The following PCAT7 variants were observed in gnomAD, a reference collection of about 807,000 sequenced individuals.
PCAT7 encodes prostate cancer associated transcript 7.
At chr9:94,562,962 T>C (rs1827131247) in intron 2 of PCAT7, among the ~76,000 whole-genome samples, 1 of 152,206 alleles carries the variant, frequency 6.6e-6, no homozygotes, top group Non-Finnish European at 1.5e-5. Flanking sequence ...GCATTTGTTC[T>C]GGGAAGTGTG....
rs1179134617 is a variant in PCAT7 at position 94,556,109 on chromosome 9, G to A, written n.257+799G>A. Among the ~76,000 whole-genome samples the A allele has an allele frequency of 4.0e-5, 6 of 151,038 alleles. No individual in the cohort carries two copies. The East Asian group carries it at 1.2e-3, about 30-fold the overall frequency. On this transcript the variant is annotated intron_variant and non_coding_transcript_variant, in intron 1 of 8. Transcript: ENST00000647389. ...AAGGGAAGGAGAGTGGCAAGGAGGAGCCGGGGGAAAGACGATGAGGAAAAC... is the reference window on the plus strand; with the variant it reads ...AAGGGAAGGAGAGTGGCAAGGAGGAACCGGGGGAAAGACGATGAGGAAAAC...
intron 2 of PCAT7, chr9:94,567,291 C>T: frequency 6.2e-7 from 1 of 1,614,200 alleles, no homozygotes; most frequent in Non-Finnish European, 8.5e-7. Context: ...TCTTTTTCTG[C>T]ACATATTCAG....
chr9:94,554,882 C>T (rs1754723481), upstream of PCAT7, among the ~76,000 whole-genome samples: 1 of 152,162 alleles, frequency 6.6e-6, no homozygotes, highest in South Asian at 2.1e-4. Flanking sequence ...CACATAAGTG[C>T]CAGAAATGAC....
intron 2 of PCAT7, among the ~76,000 whole-genome samples, chr9:94,565,635 G>A (rs1039430507): frequency 6.6e-6 from 1 of 151,982 alleles, no homozygotes; most frequent in Non-Finnish European, 1.5e-5. Flanking sequence ...TAGCCCAGAA[G>A]GACTTGACAT....
At chr9:94,555,418 A>G (rs769580380) in intron 1 of PCAT7, 2 of 152,050 alleles carry the variant, frequency 1.3e-5, no homozygotes, top group Non-Finnish European at 2.9e-5. Flanking sequence ...CAAAAAGACG[A>G]TGGGGAAAAG....
At chr9:94,564,167 C>T (rs1226818947) in intron 2 of PCAT7, among the ~76,000 whole-genome samples, 2 of 152,186 alleles carry the variant, frequency 1.3e-5, no homozygotes, top group African/African-American at 4.8e-5. Context: ...CACCCAAAAC[C>T]AGAAAAATAT....
intron 1 of PCAT7, among the ~76,000 whole-genome samples, chr9:94,556,033 G>A (rs1827007273): frequency 6.6e-6 from 1 of 150,664 alleles, no homozygotes; most frequent in Admixed American, 6.6e-5. Context: ...GCAGGAGTGG[G>A]GAAAAGGCTT....
chr9:94,559,190 A>G, intron 2 of PCAT7: 3 of 1,496,206 alleles, frequency 2.0e-6, no homozygotes, highest in Non-Finnish European at 2.8e-6. Flanking sequence ...GTCCCGAGCC[A>G]TGCCCCTAAA....
chr9:94,561,393 C>T, intron 2 of PCAT7, among the ~76,000 whole-genome samples: 1 of 110,222 alleles, frequency 9.1e-6, no homozygotes, highest in Non-Finnish European at 1.7e-5. Context: ...GATGGAATCT[C>T]ACTCTGTCAC....
intron 1 of PCAT7, among the ~76,000 whole-genome samples, chr9:94,556,109 G>C (rs1179134617): frequency 6.6e-6 from 1 of 150,920 alleles, no homozygotes; most frequent in Non-Finnish European, 1.5e-5. Context: ...GCAAGGAGGA[G>C]CCGGGGGAAA....
Position 94,570,370 on chromosome 9 carries a change from C to T in PCAT7, n.442-2609C>T, listed in dbSNP as rs1336101213. On this transcript the variant is annotated intron_variant and non_coding_transcript_variant, in intron 2 of 8. Transcript: ENST00000647389. ...GACACCAGTCACTAGCTTGACCTTG[C>T]GCAAGTTACTCACTCTCTCTACGCC... 7 of 152,196 alleles carry T rather than the reference C, an allele frequency of 4.6e-5. No individual in the cohort carries two copies. In the East Asian group the frequency reaches 5.8e-4, roughly 13 times the overall value. The allele number at this position is 152,196 out of a possible 1,614,324, so 9.4% of individuals were successfully genotyped here. A position where few individuals can be genotyped will look rare whatever the true frequency, so the allele number is the denominator to read the frequency against.
chr9:94,561,878 A>T (rs1276051200), intron 2 of PCAT7, among the ~76,000 whole-genome samples: 1 of 152,198 alleles, frequency 6.6e-6, no homozygotes, highest in African/African-American at 2.4e-5. Flanking sequence ...CTATGGAGTG[A>T]CATGTGCTTA....
At chr9:94,571,190 A>G (rs1827264765) in intron 2 of PCAT7, among the ~76,000 whole-genome samples, 1 of 152,168 alleles carries the variant, frequency 6.6e-6, no homozygotes. Flanking sequence ...AAAGAGATTG[A>G]GTGCATTTTT....
At chr9:94,562,502 ATC>A (rs896606442) in intron 2 of PCAT7, among the ~76,000 whole-genome samples, 13 of 151,784 alleles carry the variant, frequency 8.6e-5, no homozygotes, top group African/African-American at 2.2e-4. Context: ...ACCTATTAAA[ATC>A]TCTCTGGCTT....
At chr9:94,565,368 C>CAAA (rs369180827) in intron 2 of PCAT7, among the ~76,000 whole-genome samples, 11 of 46,578 alleles carry the variant, frequency 2.4e-4, no homozygotes, top group Admixed American at 9.4e-4. Context: ...GACTCCACCT[C>CAAA]AAAAAAAAAA....
intron 2 of PCAT7, chr9:94,571,440 T>C (rs1235254350): frequency 5.7e-6 from 9 of 1,587,414 alleles, no homozygotes; most frequent in South Asian, 1.2e-5. Flanking sequence ...CAGGCACAGA[T>C]GATGCCATAT....
At chr9:94,557,981 A>G (rs78252904) in intron 1 of PCAT7, among the ~76,000 whole-genome samples, 3,954 of 152,302 alleles carry the variant, frequency 0.026, 218 homozygotes, top group East Asian at 0.26. Flanking sequence ...CATTTCCCCA[A>G]AAACTGAAAA....
chr9:94,573,312 G>T (rs1827287400), intron 3 of PCAT7, among the ~76,000 whole-genome samples: 1 of 152,088 alleles, frequency 6.6e-6, no homozygotes, highest in Admixed American at 6.5e-5. Context: ...AGGGTGGAGT[G>T]CAGTGGCTTG....
chr9:94,560,739 TATA>T (rs1484746661), intron 2 of PCAT7, among the ~76,000 whole-genome samples: 6 of 147,980 alleles, frequency 4.1e-5, no homozygotes, highest in Admixed American at 6.8e-5. Flanking sequence ...TATATTTACA[TATA>T]ATATGTTATA....
Sources: gnomAD v4.1 joint callset for allele counts (sites outside exome capture counted in the v4.1 genomes callset) on GRCh38, gnomAD v4.1.1 for gene constraint, MANE v1.5 for transcripts, NCBI Gene and HGNC (gene_info 2026-07-23, HGNC 2026-07-21) for gene names.